GATB: variants seen among roughly 807,000 people sequenced by gnomAD.
GATB encodes the protein glutamyl-tRNA(Gln) amidotransferase subunit B, mitochondrial.
Under a neutral mutation model 62.3 loss-of-function variants are expected in GATB, and 39 were observed. The observed-to-expected ratio is 0.63, with a 90% CI of 0.48 to 0.82. The LOEUF is 0.82. Ranked by LOEUF, GATB falls within the 40% of genes least tolerant of loss-of-function variation. GATB has a pLI of 0.00. For missense variants in GATB, 670 were observed against 684.0 expected, an observed-to-expected ratio of 0.98 and a Z score of 0.23; for synonymous variants, 276 against 258.9, an observed-to-expected ratio of 1.07 and a Z score of -0.63.
rs1412471986 is a variant in GATB at position 151,672,775 on chromosome 4, G to A, written c.1532C>T (p.Ala511Val). Residue 511 changes from alanine (A) to valine (V), a missense_variant, in exon 12 of 13, where the codon GCC becomes GTC. Transcript: ENST00000263985. ...CGAGATAGTCACCACTTGAGGATGG[G>A]CCTCCATCACAGAGTGGCAGAGCTG... ...LEQLCHSVME[A>V]HPQVVMDVKN... is the part of the protein sequence containing the mutation. The A allele has an allele frequency of 1.2e-6, 2 of 1,614,082 alleles. No homozygotes were observed. The highest frequency in any genetic ancestry group is 2.2e-5 in the South Asian group (2 of 91,066).
At chr4:151,684,956 C>T (rs1738214547) in intron 10 of GATB, among the ~76,000 whole-genome samples, 1 of 152,180 alleles carries the variant, frequency 6.6e-6, no homozygotes, top group Admixed American at 6.5e-5. Context: ...TATACAGAAG[C>T]CGATCACAAG....
Position 151,688,768 on chromosome 4 carries a change from T to TAA in GATB, c.1198-7_1198-6dup. On this transcript the variant is annotated splice_region_variant and splice_polypyrimidine_tract_variant and intron_variant, in intron 9 of 12. Coordinates refer to ENST00000263985, the MANE Select transcript of GATB (RefSeq NM_004564.3). Reference sequence around the variant, plus strand: ...CTCCAGTAGGCCGACTTCGTTCTGTTAAAAAAAAAAAAAGAAAATTACATA... The same window carrying TAA: ...CTCCAGTAGGCCGACTTCGTTCTGTTAAAAAAAAAAAAAAAGAAAATTACATA... 2.6e-5 allele frequency: 37 copies of TAA among 1,430,402 alleles called. No individual in the cohort carries two copies. The highest frequency in any genetic ancestry group is 9.4e-5 in the Admixed American group (4 of 42,778). The allele number at this position is 1,430,402 out of a possible 1,614,324, so 88.6% of individuals were successfully genotyped here.
chr4:151,682,532 T>C (rs1738161829), intron 10 of GATB, among the ~76,000 whole-genome samples: 1 of 152,148 alleles, frequency 6.6e-6, no homozygotes, highest in African/African-American at 2.4e-5. Context: ...TGCTGCTCTC[T>C]TCCCTCCCAT....
intron 3 of GATB, among the ~76,000 whole-genome samples, chr4:151,719,138 C>A (rs1560855524): frequency 6.6e-6 from 1 of 152,218 alleles, no homozygotes; most frequent in Non-Finnish European, 1.5e-5. Flanking sequence ...AATACCACGG[C>A]CAGGCTGAGC....
At chr4:151,680,530 A>G (rs1485945885) in intron 10 of GATB, among the ~76,000 whole-genome samples, 1 of 152,214 alleles carries the variant, frequency 6.6e-6, no homozygotes, top group Non-Finnish European at 1.5e-5. Context: ...CCATGAAAGA[A>G]AAGGTCAGGG....
At chr4:151,718,095 C>A in intron 3 of GATB, among the ~76,000 whole-genome samples, 1 of 152,182 alleles carries the variant, frequency 6.6e-6, no homozygotes, top group East Asian at 1.9e-4. Flanking sequence ...AGACAGACTG[C>A]TTGGCCCGAC....
At chr4:151,755,637 C>T (rs1739812267) in intron 2 of GATB, among the ~76,000 whole-genome samples, 1 of 152,154 alleles carries the variant, frequency 6.6e-6, no homozygotes, top group Non-Finnish European at 1.5e-5. Context: ...CTAGATATTT[C>T]TGGATTTAAT....
intron 2 of GATB, among the ~76,000 whole-genome samples, chr4:151,725,195 G>C (rs965674141): frequency 8.5e-5 from 13 of 152,356 alleles, no homozygotes; most frequent in African/African-American, 3.1e-4. Context: ...GCTGGAGGCA[G>C]AGCAAAGGCG....
At chr4:151,729,392 T>C (rs964224377) in intron 2 of GATB, among the ~76,000 whole-genome samples, 3 of 152,206 alleles carry the variant, frequency 2.0e-5, no homozygotes, top group African/African-American at 7.2e-5. Flanking sequence ...GCTCTTTGAC[T>C]GGATCTTTTA....
rs1398718445 is a variant in GATB, at chr4:151,688,580, C to G, written c.1331+50G>C. The stretch of plus-strand genomic sequence containing the variant: ...TGGACCTGCCCTATTTCCAGCACTT[C>G]TGGACAGAGCTCATCACAAAGGAAG... On this transcript the variant is annotated intron_variant, in intron 10 of 12. Coordinates refer to ENST00000263985, the MANE Select transcript of GATB (RefSeq NM_004564.3). The G allele has an allele frequency of 4.5e-6, 7 of 1,565,352 alleles. No individual in the cohort carries two copies. In the East Asian group the frequency reaches 1.6e-4, roughly 35 times the overall value.
At chr4:151,739,003 A>T (rs778976528) in intron 2 of GATB, among the ~76,000 whole-genome samples, 3 of 152,230 alleles carry the variant, frequency 2.0e-5, no homozygotes, top group Non-Finnish European at 2.9e-5. Context: ...GGGATGGCCT[A>T]TGAGTTGGCA....
At chr4:151,737,077 T>G (rs1178810404) in intron 2 of GATB, among the ~76,000 whole-genome samples, 1 of 152,166 alleles carries the variant, frequency 6.6e-6, no homozygotes, top group East Asian at 1.9e-4. Flanking sequence ...AATGTGGAAG[T>G]GACTTTCGAT....
intron 11 of GATB, chr4:151,677,736 A>C (rs1332075837): frequency 6.6e-6 from 1 of 152,244 alleles, no homozygotes; most frequent in Non-Finnish European, 1.5e-5. Context: ...TGAAGGACTG[A>C]TGCGTGCCGC....
chr4:151,757,834 T>C (rs533692250), intron 2 of GATB, among the ~76,000 whole-genome samples: 42 of 152,268 alleles, frequency 2.8e-4, no homozygotes, highest in African/African-American at 7.7e-4. Context: ...CCCATGACAA[T>C]GTCTGCCTCT....
intron 8 of GATB, among the ~76,000 whole-genome samples, chr4:151,702,103 T>A (rs1407164760): frequency 6.6e-6 from 1 of 152,212 alleles, no homozygotes; most frequent in East Asian, 1.9e-4. Context: ...GTAGCATACG[T>A]AATCCACTGT....
intron 9 of GATB, 90 bp from the exon 10 acceptor site, chr4:151,688,853 G>A: frequency 2.3e-6 from 3 of 1,308,220 alleles, no homozygotes; most frequent in Non-Finnish European, 3.1e-6. Context: ...TGTCCCCTCT[G>A]CCTCCTCTGA....
chr4:151,687,207 C>G (rs944212683), intron 10 of GATB: 2 of 152,250 alleles, frequency 1.3e-5, no homozygotes, highest in Non-Finnish European at 2.9e-5. Context: ...CTGCAAACCT[C>G]CCCAAGATCT....
At chr4:151,736,271 T>C (rs929308077) in intron 2 of GATB, among the ~76,000 whole-genome samples, 34 of 152,114 alleles carry the variant, frequency 2.2e-4, no homozygotes, top group African/African-American at 8.2e-4. Flanking sequence ...ACCCTGCAAA[T>C]AGACACCATA....
At chr4:151,739,749 A>C (rs778522490) in intron 2 of GATB, among the ~76,000 whole-genome samples, 2 of 152,038 alleles carry the variant, frequency 1.3e-5, no homozygotes, top group Non-Finnish European at 1.5e-5. Context: ...TTTGCTTTCT[A>C]CTCTGTATTC....
Sources: gnomAD v4.1 joint callset for allele counts (sites outside exome capture counted in the v4.1 genomes callset) on GRCh38, gnomAD v4.1.1 for gene constraint, MANE v1.5 for transcripts, NCBI Gene and HGNC (gene_info 2026-07-23, HGNC 2026-07-21) for gene names.